The following SAP30BP variants were observed in gnomAD, a reference collection of about 807,000 sequenced individuals.
The protein encoded by SAP30BP is SAP30-binding protein.
SAP30BP carries 31 observed loss-of-function variants against 46.3 expected under a neutral mutation model. The observed-to-expected ratio is 0.67, with a 90% CI of 0.50 to 0.90. The LOEUF is 0.90. SAP30BP is among the 40% of genes least tolerant of loss of function. The pLI is 0.00. For missense variants in SAP30BP, 312 were observed against 391.0 expected (o/e 0.80, Z 1.70); for synonymous variants, 169 against 144.2 (o/e 1.17, Z -1.23).
chr17:75,693,517 A>G, intron 4 of SAP30BP, 35 bp downstream of exon 4: 1 of 1,606,938 alleles, frequency 6.2e-7, no homozygotes, highest in Non-Finnish European at 8.5e-7. Flanking sequence ...CACGTTTCTC[A>G]GCCTTGCTCC....
At chr17:75,694,519 C>T (rs1236004035) in intron 4 of SAP30BP, among the ~76,000 whole-genome samples, 1 of 152,218 alleles carries the variant, frequency 6.6e-6, no homozygotes, top group African/African-American at 2.4e-5. Flanking sequence ...CAAGATTTTC[C>T]TAAAACCTAG....
chr17:75,678,437 A>G (rs1291778635), intron 3 of SAP30BP, among the ~76,000 whole-genome samples: 1 of 148,544 alleles, frequency 6.7e-6, no homozygotes, highest in Non-Finnish European at 1.5e-5. Context: ...AAAAAGTCTG[A>G]CACGTTCAAC....
intron 3 of SAP30BP, among the ~76,000 whole-genome samples, chr17:75,672,683 G>A (rs953182356): frequency 6.6e-6 from 1 of 152,192 alleles, no homozygotes; most frequent in African/African-American, 2.4e-5. Context: ...GAGGCCAGCC[G>A]CAGTAGCTCA....
At chr17:75,703,505 T>C (rs1568323972) in intron 7 of SAP30BP, 134 bp downstream of exon 7, 2 of 743,496 alleles carry the variant, frequency 2.7e-6, no homozygotes, top group South Asian at 1.6e-5. Flanking sequence ...CCCTGTCTCT[T>C]TTGTTTGAGT....
At chr17:75,668,693 C>A in intron 2 of SAP30BP, 68 bp downstream of exon 2, 1 of 1,039,748 alleles carries the variant, frequency 9.6e-7, no homozygotes, top group Non-Finnish European at 1.5e-6. Flanking sequence ...TGGAACTGTG[C>A]CAACAGTGTT....
intron 3 of SAP30BP, among the ~76,000 whole-genome samples, chr17:75,674,712 T>TTTTTTTTTTTTTTTTTTTTTTTTTTTG (rs2059963548): frequency 7.6e-6 from 1 of 132,190 alleles, no homozygotes; most frequent in African/African-American, 2.9e-5. Flanking sequence ...TTTTTTTTTT[T>TTTTTTTTTTTTTTTTTTTTTTTTTTTG]TTTTTTTTTT....
chr17:75,691,474 A>G lies in SAP30BP; in HGVS notation c.265-1966A>G, dbSNP rs1376750962. The G allele has an allele frequency of 8.8e-6, 4 of 456,626 alleles. No homozygotes were observed. The East Asian group carries it at 2.1e-4, about 24-fold the overall frequency. 28.3% of individuals were successfully genotyped at this position (456,626 alleles called of 1,614,324 possible). A position where few individuals can be genotyped will look rare whatever the true frequency, so the allele number is the denominator to read the frequency against. On this transcript the variant is annotated intron_variant, in intron 3 of 10. Coordinates refer to ENST00000584667, the MANE Select transcript of SAP30BP (RefSeq NM_013260.8). ...TTCCATCTCCAGGTTCACAAAAGCC[A>G]CAAGAAGCCACGGGGAGGCTCCTGG...
intron 3 of SAP30BP, among the ~76,000 whole-genome samples, chr17:75,676,737 G>A (rs2059995795): frequency 6.6e-6 from 1 of 152,174 alleles, no homozygotes; most frequent in Non-Finnish European, 1.5e-5. Flanking sequence ...CATGCAGTAA[G>A]CTATTTTGAG....
chr17:75,692,351 G>A, intron 3 of SAP30BP: 4 of 985,474 alleles, frequency 4.1e-6, no homozygotes, highest in Non-Finnish European at 3.6e-6. Context: ...TCTTGTTGCA[G>A]GGTCTTCCTG....
rs1487436808 is a variant in SAP30BP, at chr17:75,668,617, A to G, written c.208A>G (p.Arg70Gly). The change falls in exon 2 of 11, where the codon AGA becomes GGA. Residue 70 changes from arginine (R) to glycine (G), a missense_variant. Arg to Gly is a moderately radical substitution (Grantham distance 125). This residue lies in a region of SAP30BP where 296 missense variants were observed against 346.6 expected (regional missense o/e 0.85). Coordinates refer to ENST00000584667, the MANE Select transcript of SAP30BP (RefSeq NM_013260.8). The stretch of plus-strand genomic sequence containing the variant: ...TGAAGAAGAAGAAGATGAGAACAGT[A>G]GACAGTCGGTAGGTAAATCTCCCAG... ...GYEEEEDENSRQSEDDDSETE... is the reference protein window; with the variant it reads ...GYEEEEDENSGQSEDDDSETE... 6.3e-7 allele frequency: 1 copy of G among 1,590,212 alleles called. No individual in the cohort carries two copies. Among genetic ancestry groups the G allele is most frequent in the African/African-American group, 1.4e-5 (1 of 73,834 alleles).
Position 75,678,162 on chromosome 17 carries a change from G to A in SAP30BP, c.264+6299G>A, listed in dbSNP as rs77586031. On this transcript the variant is annotated intron_variant, in intron 3 of 10. Transcript: ENST00000584667. ...CTTTAACCTCAGTTTTTCTCATCGCGAAAATAATCATCATAATAAAATCTG... is the reference window on the plus strand; with the variant it reads ...CTTTAACCTCAGTTTTTCTCATCGCAAAAATAATCATCATAATAAAATCTG... Among the ~76,000 whole-genome samples, 213 of 152,106 alleles carry A rather than the reference G, an allele frequency of 1.4e-3. 5 individuals are homozygous for A. The East Asian group carries it at 0.037, about 26-fold the overall frequency.
intron 3 of SAP30BP, among the ~76,000 whole-genome samples, chr17:75,682,689 C>G (rs376033400): frequency 6.6e-6 from 1 of 151,910 alleles, no homozygotes; most frequent in Non-Finnish European, 1.5e-5. Flanking sequence ...TGAGGCTGGG[C>G]GCAGTGGCTC....
intron 3 of SAP30BP, among the ~76,000 whole-genome samples, chr17:75,683,017 G>A (rs2060105315): frequency 1.4e-5 from 2 of 147,638 alleles, no homozygotes; most frequent in Admixed American, 1.4e-4. Context: ...CAATAAAGCT[G>A]CTGTAAGAAA....
intron 2 of SAP30BP, among the ~76,000 whole-genome samples, chr17:75,671,471 T>G (rs955668202): frequency 6.6e-6 from 1 of 152,218 alleles, no homozygotes; most frequent in Non-Finnish European, 1.5e-5. Context: ...CCTGTTTTAT[T>G]GTGTGGCCTG....
chr17:75,686,259 T>C (rs1349893598), intron 3 of SAP30BP, among the ~76,000 whole-genome samples: 1 of 152,058 alleles, frequency 6.6e-6, no homozygotes, highest in Non-Finnish European at 1.5e-5. Context: ...GGCTCACGCC[T>C]GTAATCTCAG....
At chr17:75,683,706 G>A (rs1424303295) in intron 3 of SAP30BP, 1 of 152,194 alleles carries the variant, frequency 6.6e-6, no homozygotes, top group African/African-American at 2.4e-5. Context: ...TGTTCCCCCA[G>A]GAAGGGAGAA....
rs1483471191 is a variant in SAP30BP, at chr17:75,706,285, A to G, written c.746-55A>G. 6.3e-7 allele frequency: 1 copy of G among 1,578,628 alleles called. No individual in the cohort carries two copies. The highest frequency in any genetic ancestry group is 8.6e-7 in the Non-Finnish European group (1 of 1,157,982). On this transcript the variant is annotated intron_variant, in intron 10 of 10. Coordinates refer to ENST00000584667, the MANE Select transcript of SAP30BP (RefSeq NM_013260.8). This position sits in a 1 kb window ranked among gnomAD's most constrained non-coding sequence, Gnocchi z 4.6. The stretch of plus-strand genomic sequence containing the variant: ...TCCCGCTGGCCTGCAGGGGGAAGGG[A>G]AAGAGGGCACCGCTCATTGGTGGAT...
intron 2 of SAP30BP, among the ~76,000 whole-genome samples, chr17:75,670,637 CTTG>C (rs773985936): frequency 3.3e-5 from 5 of 152,142 alleles, no homozygotes; most frequent in South Asian, 2.1e-4. Flanking sequence ...CTCATCAGAT[CTTG>C]TTGTAGAGAT....
At chr17:75,703,923 AGTTG>A in intron 8 of SAP30BP, 64 bp downstream of exon 8, 2 of 1,205,010 alleles carry the variant, frequency 1.7e-6, no homozygotes, top group Non-Finnish European at 2.5e-6. Context: ...TTATCCAGTC[AGTTG>A]GTTATCCAGG....
Sources: gnomAD v4.1 joint callset for allele counts (sites outside exome capture counted in the v4.1 genomes callset) on GRCh38, gnomAD v4.1.1 for gene constraint, gnomAD v4.1.1 regional missense constraint, Gnocchi (gnomAD v3.1) non-coding constraint, MANE v1.5 for transcripts, NCBI Gene and HGNC (gene_info 2026-07-23, HGNC 2026-07-21) for gene names.